Variants in STK31 observed in about 807,000 individuals in gnomAD.
STK31 encodes serine/threonine-protein kinase 31.
A neutral mutation model predicts 129.7 loss-of-function variants in STK31; 89 were observed. The observed-to-expected ratio is 0.69, with a 90% CI of 0.58 to 0.82. STK31 has a LOEUF of 0.82. Among genes scored for constraint, STK31 ranks in the 40% least tolerant of loss-of-function variants. The probability of loss-of-function intolerance (pLI) is 0.00; values close to 1 mark genes in which losing one functional copy is unlikely to be tolerated. For synonymous variants in STK31, 448 were observed against 395.3 expected (o/e 1.13, Z -1.58); for missense variants, 1,187 against 1,176.4 (o/e 1.01, Z -0.13).
chr7:23,826,289 G>A (rs1218950756), intron 23 of STK31, among the ~76,000 whole-genome samples: 5 of 152,064 alleles, frequency 3.3e-5, no homozygotes, highest in African/African-American at 1.2e-4. Context: ...CTCCTGTATT[G>A]GGTGCATATA....
At chr7:23,762,966 T>C in intron 11 of STK31, 43 bp downstream of exon 11, 1 of 1,461,918 alleles carries the variant, frequency 6.8e-7, no homozygotes, top group Non-Finnish European at 9.1e-7. Flanking sequence ...AATTGTAAGT[T>C]TATTTAAGAA....
chr7:23,767,335 G>C (rs1312919151), intron 11 of STK31, among the ~76,000 whole-genome samples: 1 of 152,162 alleles, frequency 6.6e-6, no homozygotes, highest in African/African-American at 2.4e-5. Context: ...CTGTTGTGTA[G>C]TTATATGAAG....
Position 23,771,072 on chromosome 7 carries a change from C to G in STK31, c.1781C>G (p.Ser594Ter). The change falls in exon 14 of 24, where the codon TCA becomes TGA. Residue 594 changes from serine (S) to a stop codon, truncating the protein, a stop_gained. Transcript: ENST00000355870. LOFTEE classifies it high-confidence loss of function. The part of the protein sequence containing the change: ...TYSQVLQKIH[S>*]EERLIATVQA... The stretch of plus-strand genomic sequence containing the variant: ...AGTCAAGTACTGCAAAAGATTCATT[C>G]AGAGGAAAGGCTCATTGCCACAGTA... The G allele has an allele frequency of 6.2e-7, 1 of 1,612,890 alleles. No individual in the cohort carries two copies. The highest frequency in any genetic ancestry group is 1.3e-5 in the African/African-American group (1 of 74,938).
At chr7:23,770,381 A>T (rs936509535) in intron 13 of STK31, among the ~76,000 whole-genome samples, 1 of 152,116 alleles carries the variant, frequency 6.6e-6, no homozygotes, top group South Asian at 2.1e-4. Flanking sequence ...TTGGCATTAA[A>T]AATACATTAA....
intron 4 of STK31, among the ~76,000 whole-genome samples, chr7:23,725,283 C>T (rs1402525432): frequency 6.9e-6 from 1 of 145,616 alleles, no homozygotes; most frequent in Non-Finnish European, 1.5e-5. Context: ...GCCCGTAATC[C>T]CAGCACTTTG....
intron 22 of STK31, among the ~76,000 whole-genome samples, chr7:23,799,969 C>A (rs570231893): frequency 3.3e-5 from 5 of 152,216 alleles, no homozygotes; most frequent in Admixed American, 6.5e-5. Flanking sequence ...ATGTGGCCAA[C>A]AAGCATATGA....
At chr7:23,784,829 A>G (rs1791165932) in intron 17 of STK31, among the ~76,000 whole-genome samples, 1 of 152,174 alleles carries the variant, frequency 6.6e-6, no homozygotes, top group South Asian at 2.1e-4. Flanking sequence ...ATATCTAGTA[A>G]AATTAGTTAT....
rs1171568592 is a variant in STK31 at position 23,750,067 on chromosome 7, T to TCCCCCCCC, written c.1018-2649_1018-2642dup. 3.4e-3 allele frequency among the ~76,000 whole-genome samples: 303 copies of TCCCCCCCC among 90,214 alleles called. 9 individuals are homozygous for TCCCCCCCC. The highest frequency in any genetic ancestry group is 4.0e-3 in the Non-Finnish European group (170 of 42,562). The allele number at this position is 90,214 out of a possible 152,430, so 59.2% of individuals were successfully genotyped here. ...CTGGGATATTTCAGAATGGTTTGTTTCCCCCCCCGCCACTGCTGGAAACAT... is the reference window on the plus strand; with the variant it reads ...CTGGGATATTTCAGAATGGTTTGTTTCCCCCCCCCCCCCCCCGCCACTGCTGGAAACAT... On this transcript the variant is annotated intron_variant, in intron 8 of 23. Coordinates refer to ENST00000355870, the MANE Select transcript of STK31 (RefSeq NM_031414.5).
At chr7:23,785,352 T>G (rs1435663164) in intron 17 of STK31, 126 bp from the exon 18 acceptor site, 2 of 1,311,380 alleles carry the variant, frequency 1.5e-6, no homozygotes, top group Non-Finnish European at 2.1e-6. Flanking sequence ...GATTTTAATT[T>G]TGTTGGTTTT....
At chr7:23,797,679 C>T (rs918058412) in intron 22 of STK31, among the ~76,000 whole-genome samples, 1 of 152,086 alleles carries the variant, frequency 6.6e-6, no homozygotes, top group South Asian at 2.1e-4. Flanking sequence ...AAAATCGACA[C>T]CCTAACATCA....
rs56391043 is a variant in STK31, at chr7:23,832,334, A to T, written c.3028A>T (p.Thr1010Ser). 1.5e-4 allele frequency: 247 copies of T among 1,612,042 alleles called. 2 individuals are homozygous for T. In the East Asian group the frequency reaches 3.1e-3, roughly 20 times the overall value. ...GAACTTGGATAAATGTATGGAGAAGACAAGAAATGGTGAAGCCAACTTTGA... is the reference window on the plus strand; with the variant it reads ...GAACTTGGATAAATGTATGGAGAAGTCAAGAAATGGTGAAGCCAACTTTGA... ...TENLDKCMEK[T>S]RNGEANFDC Residue 1010 changes from threonine (T) to serine (S), a missense_variant, in exon 24 of 24, where the codon ACA becomes TCA. This residue lies in a region of STK31 where 975 missense variants were observed against 934.9 expected (regional missense o/e 1.04). Transcript: ENST00000355870.
chr7:23,832,081 A>T (rs1583358767), intron 23 of STK31, 55 bp from the exon 24 acceptor site: 3 of 1,304,534 alleles, frequency 2.3e-6, no homozygotes, highest in Admixed American at 1.8e-5. Flanking sequence ...TTCCTTCTTC[A>T]TTACAGATTT....
chr7:23,734,493 G>C (rs1236348147), intron 6 of STK31, among the ~76,000 whole-genome samples: 3 of 152,170 alleles, frequency 2.0e-5, no homozygotes, highest in Non-Finnish European at 1.5e-5. Flanking sequence ...TGGAGGAGTA[G>C]ATAAGTTCTT....
At chr7:23,773,555 C>G (rs1247702054) in intron 15 of STK31, among the ~76,000 whole-genome samples, 1 of 152,122 alleles carries the variant, frequency 6.6e-6, no homozygotes, top group African/African-American at 2.4e-5. Flanking sequence ...TGGGTATATA[C>G]CCAGTAATGG....
Position 23,791,593 on chromosome 7 carries a change from G to A in STK31, c.2760+647G>A, listed in dbSNP as rs118146271. 8.7e-4 allele frequency among the ~76,000 whole-genome samples: 132 copies of A among 152,234 alleles called. No homozygotes were observed. In the East Asian group the frequency reaches 0.024, roughly 28 times the overall value. On this transcript the variant is annotated intron_variant, in intron 22 of 23. Coordinates refer to ENST00000355870, the MANE Select transcript of STK31 (RefSeq NM_031414.5). Reference sequence around the variant, plus strand: ...CACTGTTTACCCATGTAACAAACCTGCACATGTACCCCTTGAACCTAAAAT... The same window carrying A: ...CACTGTTTACCCATGTAACAAACCTACACATGTACCCCTTGAACCTAAAAT...
rs546737013 is a variant in STK31, at chr7:23,774,243, C to T, written c.1965+1965C>T. Among the ~76,000 whole-genome samples, 58 of 152,234 alleles carry T rather than the reference C, an allele frequency of 3.8e-4. 1 individual carries two copies. Among genetic ancestry groups the T allele is most frequent in the South Asian group, 1.9e-3 (9 of 4,828 alleles). ...TGTGAATAGTGCCACACTAAACATA[C>T]GTGTGCATGTGTCTTTATAGTAGCA... On this transcript the variant is annotated intron_variant, in intron 15 of 23. Coordinates refer to ENST00000355870, the MANE Select transcript of STK31 (RefSeq NM_031414.5).
In STK31 at chr7:23,717,576, C is replaced by A. The variant is rs368706626; in HGVS notation, c.246C>A (p.Asn82Lys). Residue 82 changes from asparagine (N) to lysine (K), a missense_variant, in exon 4 of 24, where the codon AAC becomes AAA. Transcript: ENST00000355870. ...ASSVLGNLDP[N>K]KIYGGLFSED... ...CAGTTTTGGGGAATCTTGACCCAAA[C>A]AAGGTGAGCCATATTCTTGAATATA... is the stretch of plus-strand genomic sequence containing the variant. 1 of 1,606,408 alleles carries A rather than the reference C, an allele frequency of 6.2e-7. No homozygotes were observed. Among genetic ancestry groups the A allele is most frequent in the Non-Finnish European group, 8.5e-7 (1 of 1,174,204 alleles).
intron 3 of STK31, among the ~76,000 whole-genome samples, chr7:23,714,153 T>C (rs1786154452): frequency 6.6e-6 from 1 of 152,060 alleles, no homozygotes; most frequent in Non-Finnish European, 1.5e-5. Flanking sequence ...CATGGCTGCA[T>C]GTAAAAAAAA....
intron 8 of STK31, among the ~76,000 whole-genome samples, chr7:23,747,699 G>A (rs997275834): frequency 6.6e-6 from 1 of 152,182 alleles, no homozygotes; most frequent in African/African-American, 2.4e-5. Context: ...AGCTTTGGCA[G>A]ATTACGTCTT....
Sources: gnomAD v4.1 joint callset for allele counts (sites outside exome capture counted in the v4.1 genomes callset) on GRCh38, gnomAD v4.1.1 for gene constraint, gnomAD v4.1.1 regional missense constraint, MANE v1.5 for transcripts, NCBI Gene and HGNC (gene_info 2026-07-23, HGNC 2026-07-21) for gene names.